The following CPNE4 variants were observed in gnomAD, a reference collection of about 807,000 sequenced individuals.
CPNE4 encodes copine 4, also known as copine-4.
CPNE4 carries 25 observed loss-of-function variants against 67.9 expected under a neutral mutation model. The ratio of observed to expected loss-of-function variants is 0.37; its 90% confidence interval spans 0.27 to 0.51. The LOEUF (loss-of-function observed/expected upper bound fraction) is 0.51, where lower values mean the gene tolerates loss of function less well. CPNE4 is among the 20% of genes least tolerant of loss of function. The pLI, the probability that CPNE4 is intolerant of heterozygous loss-of-function variation, is 0.93. For synonymous variants in CPNE4, 242 were observed against 244.9 expected (o/e 0.99, Z 0.11); for missense variants, 464 against 690.8 (o/e 0.67, Z 3.68).
intron 1 of CPNE4, among the ~76,000 whole-genome samples, chr3:131,938,675 A>G (rs2107850095): frequency 6.6e-6 from 1 of 152,108 alleles, no homozygotes; most frequent in East Asian, 1.9e-4. Flanking sequence ...AAACCAACAG[A>G]TCTTGTGCGA....
intron 7 of CPNE4, among the ~76,000 whole-genome samples, chr3:131,643,476 C>T (rs7429909): frequency 0.15 from 22,377 of 152,098 alleles, 2,026 homozygotes; most frequent in African/African-American, 0.25. Context: ...CTTTTGATTT[C>T]ATAGGCTCAT....
intron 7 of CPNE4, among the ~76,000 whole-genome samples, chr3:131,595,435 G>A (rs539967121): frequency 6.6e-6 from 1 of 152,222 alleles, no homozygotes; most frequent in African/African-American, 2.4e-5. Flanking sequence ...GACTGTGTTA[G>A]TGTGTTCTTA....
In CPNE4 at chr3:131,848,981, A is replaced by AAAAAAAAAAAAAAAAAAAC. The variant is rs1297906130; in HGVS notation, c.180+56282_180+56283insGTTTTTTTTTTTTTTTTTT. 2.1e-5 allele frequency among the ~76,000 whole-genome samples: 3 copies of AAAAAAAAAAAAAAAAAAAC among 141,668 alleles called. 1 individual carries two copies. Among genetic ancestry groups the AAAAAAAAAAAAAAAAAAAC allele is most frequent in the African/African-American group, 7.6e-5 (3 of 39,318 alleles). 92.9% of individuals were successfully genotyped at this position (141,668 alleles called of 152,430 possible). A position where few individuals can be genotyped will look rare whatever the true frequency, so the allele number is the denominator to read the frequency against. On this transcript the variant is annotated intron_variant, in intron 2 of 15. Transcript: ENST00000429747. ...CAAAAAAAAAAAAAAAAAAAAAAAA[A>AAAAAAAAAAAAAAAAAAAC]ACACAGAGATATCATCCACCTCCTC...
intron 7 of CPNE4, among the ~76,000 whole-genome samples, chr3:131,599,127 T>A (rs373755710): frequency 1.3e-5 from 2 of 152,350 alleles, no homozygotes; most frequent in African/African-American, 4.8e-5. Flanking sequence ...TTATGAGAAT[T>A]TGATCCATAA....
intron 9 of CPNE4, among the ~76,000 whole-genome samples, chr3:131,575,912 T>C (rs1473424779): frequency 6.6e-6 from 1 of 152,180 alleles, no homozygotes; most frequent in East Asian, 1.9e-4. Flanking sequence ...TAGGGATTTC[T>C]GGTCTTAATT....
chr3:131,978,098 TAAA>T lies in CPNE4; in HGVS notation c.-2+56466_-2+56468del, dbSNP rs1560720304. Among the ~76,000 whole-genome samples, 119 of 76,360 alleles carry T rather than the reference TAAA, an allele frequency of 1.6e-3. 2 individuals are homozygous for T. Among genetic ancestry groups the T allele is most frequent in the African/African-American group, 2.4e-3 (23 of 9,776 alleles). 50.1% of individuals were successfully genotyped at this position (76,360 alleles called of 152,430 possible). The stretch of plus-strand genomic sequence containing the variant: ...ATATAAATATATATAAATATATATA[TAAA>T]TATATATAAAATATATATAAATATA... On this transcript the variant is annotated intron_variant, in intron 1 of 15. Coordinates refer to ENST00000429747, the MANE Select transcript of CPNE4 (RefSeq NM_130808.3).
At chr3:131,562,810 C>T (rs1452611760) in intron 11 of CPNE4, among the ~76,000 whole-genome samples, 1 of 152,004 alleles carries the variant, frequency 6.6e-6, no homozygotes, top group Non-Finnish European at 1.5e-5. Context: ...TGTTGAAATT[C>T]AAGTTATCTT....
chr3:131,930,952 C>T (rs1191746611), intron 1 of CPNE4, among the ~76,000 whole-genome samples: 1 of 152,022 alleles, frequency 6.6e-6, no homozygotes. Context: ...GACAAATGAA[C>T]TTTTGCAAAG....
At chr3:131,648,549 A>T (rs2079726498) in intron 7 of CPNE4, among the ~76,000 whole-genome samples, 1 of 152,246 alleles carries the variant, frequency 6.6e-6, no homozygotes, top group Non-Finnish European at 1.5e-5. Flanking sequence ...TGACTGAAAG[A>T]ATGACTACAT....
chr3:131,533,716 A>C lies in CPNE4; in HGVS notation c.*1479T>G, dbSNP rs1351109875. On this transcript the variant is annotated 3_prime_UTR_variant, in exon 16 of 16. Transcript: ENST00000429747. Reference sequence around the variant, plus strand: ...TAGGATCTATAATTGTAACTGTGGAAATCATAGAAGGCATTTTATTTGCTT... The same window carrying C: ...TAGGATCTATAATTGTAACTGTGGACATCATAGAAGGCATTTTATTTGCTT... 1 of 152,192 alleles carries C rather than the reference A, an allele frequency of 6.6e-6. No homozygotes were observed. The allele number at this position is 152,192 out of a possible 1,614,324, so 9.4% of individuals were successfully genotyped here. A position where few individuals can be genotyped will look rare whatever the true frequency, so the allele number is the denominator to read the frequency against.
At chr3:131,842,547 T>A (rs1337508130) in intron 2 of CPNE4, among the ~76,000 whole-genome samples, 1 of 152,106 alleles carries the variant, frequency 6.6e-6, no homozygotes, top group Non-Finnish European at 1.5e-5. Context: ...ATCACTTAGA[T>A]AAGAAGTTTG....
intron 2 of CPNE4, among the ~76,000 whole-genome samples, chr3:131,749,872 G>C (rs1036276321): frequency 2.6e-5 from 4 of 152,068 alleles, no homozygotes. Context: ...GAATACCTGA[G>C]ACTGGGTGAT....
At chr3:131,750,486 G>A (rs1424602379) in intron 2 of CPNE4, among the ~76,000 whole-genome samples, 1 of 151,964 alleles carries the variant, frequency 6.6e-6, no homozygotes, top group East Asian at 1.9e-4. Flanking sequence ...TTTAGTGGTT[G>A]CTCTAGGTAT....
chr3:131,769,642 G>C (rs1356036024), intron 2 of CPNE4, among the ~76,000 whole-genome samples: 1 of 152,096 alleles, frequency 6.6e-6, no homozygotes, highest in Non-Finnish European at 1.5e-5. Flanking sequence ...CTGTGTGTAT[G>C]TTCAGAAAAC....
chr3:131,979,903 C>T (rs980564016), intron 1 of CPNE4, among the ~76,000 whole-genome samples: 8 of 152,092 alleles, frequency 5.3e-5, no homozygotes, highest in Non-Finnish European at 1.2e-4. Context: ...ATGGTGAATT[C>T]TCTCAGCATT....
In CPNE4 at chr3:131,708,965, T is replaced by TAG. The variant is rs1391365114; in HGVS notation, c.361-8986_361-8985insCT. On this transcript the variant is annotated intron_variant, in intron 3 of 15. Transcript: ENST00000429747. ...GTGTCTGAGGGCATAAAGATATATA[T>TAG]ATATATATATATATATATATATATA... Among the ~76,000 whole-genome samples, 5 of 78,850 alleles carry TAG rather than the reference T, an allele frequency of 6.3e-5. 1 individual carries two copies. The highest frequency in any genetic ancestry group is 3.4e-4 in the African/African-American group (5 of 14,584). 51.7% of individuals were successfully genotyped at this position (78,850 alleles called of 152,430 possible).
chr3:131,985,412 A>T (rs35020492), intron 1 of CPNE4, among the ~76,000 whole-genome samples: 28,829 of 151,930 alleles, frequency 0.19, 5,165 homozygotes, highest in African/African-American at 0.48. Context: ...GCATCATGTT[A>T]GAAGCTTAGT....
chr3:131,996,440 G>A (rs1351204118), intron 1 of CPNE4, among the ~76,000 whole-genome samples: 1 of 151,752 alleles, frequency 6.6e-6, no homozygotes, highest in Non-Finnish European at 1.5e-5. Context: ...AGAGAAAGAT[G>A]AGAACTAGAA....
intron 1 of CPNE4, among the ~76,000 whole-genome samples, chr3:131,942,421 C>CGT (rs745460930): frequency 0.01 from 900 of 89,536 alleles, 40 homozygotes; most frequent in African/African-American, 0.023. Context: ...CTAGCTTCCT[C>CGT]GTGTGTGTGT....
Sources: gnomAD v4.1 joint callset for allele counts (sites outside exome capture counted in the v4.1 genomes callset) on GRCh38, gnomAD v4.1.1 for gene constraint, MANE v1.5 for transcripts, NCBI Gene and HGNC (gene_info 2026-07-23, HGNC 2026-07-21) for gene names.